UCHL3: variants seen among roughly 807,000 people sequenced by gnomAD.
UCHL3 encodes ubiquitin C-terminal hydrolase L3.
In UCHL3, 22 loss-of-function variants were observed where a neutral mutation model predicts 35.8. The observed-to-expected ratio is 0.61, with a 90% CI of 0.44 to 0.88. UCHL3 has a LOEUF of 0.88. Among genes scored for constraint, UCHL3 ranks in the 40% least tolerant of loss-of-function variants. UCHL3 has a pLI of 0.00. For synonymous variants in UCHL3, 90 were observed against 92.8 expected (o/e 0.97, Z 0.17); for missense variants, 229 against 276.9 (o/e 0.83, Z 1.23).
chr13:75,551,708 A>T (rs2031115231), intron 2 of UCHL3, among the ~76,000 whole-genome samples: 1 of 152,258 alleles, frequency 6.6e-6, no homozygotes, highest in Admixed American at 6.5e-5. Context: ...AAAACTTTTT[A>T]GATGATGTTG....
intron 6 of UCHL3, among the ~76,000 whole-genome samples, chr13:75,577,565 C>A (rs995312369): frequency 6.6e-6 from 1 of 152,258 alleles, no homozygotes; most frequent in East Asian, 1.9e-4. Flanking sequence ...CCAACTGAGA[C>A]CTTTCTGAAT....
chr13:75,576,041 C>T (rs763571821), intron 6 of UCHL3, among the ~76,000 whole-genome samples: 12 of 152,094 alleles, frequency 7.9e-5, no homozygotes, highest in Non-Finnish European at 1.3e-4. Flanking sequence ...TGTGAGCCAC[C>T]GCCCCAGCCA....
At chr13:75,586,163 A>T (rs758609818) in intron 6 of UCHL3, among the ~76,000 whole-genome samples, 13 of 152,070 alleles carry the variant, frequency 8.5e-5, no homozygotes, top group Non-Finnish European at 1.8e-4. Flanking sequence ...AATCAAAAGG[A>T]TGGGAAAAGA....
chr13:75,602,192 C>T (rs1021032178), intron 7 of UCHL3, among the ~76,000 whole-genome samples: 3 of 152,104 alleles, frequency 2.0e-5, no homozygotes, highest in Non-Finnish European at 2.9e-5. Flanking sequence ...TTTTAAGCTC[C>T]ATCATTCACG....
chr13:75,599,934 G>A (rs1311239350), intron 7 of UCHL3, among the ~76,000 whole-genome samples: 2 of 152,214 alleles, frequency 1.3e-5, no homozygotes, highest in Admixed American at 6.5e-5. Context: ...AGTTGTGAAT[G>A]CAAAGGAAAA....
chr13:75,602,681 TA>T (rs1326630403), intron 7 of UCHL3, among the ~76,000 whole-genome samples: 1 of 152,184 alleles, frequency 6.6e-6, no homozygotes, highest in Non-Finnish European at 1.5e-5. Flanking sequence ...GACCAAGTAG[TA>T]AATATTTTAG....
intron 7 of UCHL3, among the ~76,000 whole-genome samples, chr13:75,604,065 C>T (rs946437126): frequency 2.0e-5 from 3 of 151,614 alleles, no homozygotes; most frequent in Non-Finnish European, 4.4e-5. Flanking sequence ...TGGTTAGAAA[C>T]CATGGAATCG....
intron 6 of UCHL3, among the ~76,000 whole-genome samples, chr13:75,576,150 G>T (rs578001833): frequency 2.0e-5 from 3 of 152,180 alleles, no homozygotes; most frequent in South Asian, 2.1e-4. Flanking sequence ...TCCTAGCTTG[G>T]GATAGGAAAC....
intron 6 of UCHL3, among the ~76,000 whole-genome samples, chr13:75,589,091 CT>C: frequency 6.6e-6 from 1 of 152,242 alleles, no homozygotes; most frequent in East Asian, 1.9e-4. Flanking sequence ...ACATATTTTT[CT>C]TGGTCACTTT....
intron 2 of UCHL3, among the ~76,000 whole-genome samples, chr13:75,554,757 T>G (rs9543974): frequency 6.6e-6 from 1 of 151,862 alleles, no homozygotes; most frequent in Non-Finnish European, 1.5e-5. Context: ...AACTTTTTTG[T>G]TTTTTTAAAC....
intron 6 of UCHL3, among the ~76,000 whole-genome samples, chr13:75,588,469 C>G (rs1465984297): frequency 6.6e-6 from 1 of 152,094 alleles, no homozygotes; most frequent in Non-Finnish European, 1.5e-5. Context: ...TAAACTATAT[C>G]TGTGAGAGAA....
chr13:75,572,754 T>C (rs1199941689), intron 6 of UCHL3, among the ~76,000 whole-genome samples: 1 of 152,168 alleles, frequency 6.6e-6, no homozygotes, highest in Non-Finnish European at 1.5e-5. Flanking sequence ...TGTTTCCAAA[T>C]AGGACAGCAT....
intron 7 of UCHL3, chr13:75,604,461 C>T (rs1481534237): frequency 4.2e-6 from 1 of 237,244 alleles, no homozygotes; most frequent in Non-Finnish European, 8.0e-6. Context: ...AGGATAAAAG[C>T]TGGGGTGATA....
intron 7 of UCHL3, among the ~76,000 whole-genome samples, chr13:75,602,884 T>G (rs2032814287): frequency 6.6e-6 from 1 of 152,256 alleles, no homozygotes; most frequent in Admixed American, 6.5e-5. Flanking sequence ...ATCAGTTGTT[T>G]AACAATCTTA....
chr13:75,598,958 T>TA (rs1306095221), intron 7 of UCHL3, among the ~76,000 whole-genome samples: 1 of 152,192 alleles, frequency 6.6e-6, no homozygotes, highest in Non-Finnish European at 1.5e-5. Flanking sequence ...GATTCCTACT[T>TA]TACTTGAATG....
At chr13:75,589,656 T>C (rs2032422366) in intron 6 of UCHL3, among the ~76,000 whole-genome samples, 1 of 152,208 alleles carries the variant, frequency 6.6e-6, no homozygotes, top group Admixed American at 6.5e-5. Context: ...TTAGTGGCTT[T>C]TACATATTAA....
intron 7 of UCHL3, among the ~76,000 whole-genome samples, chr13:75,601,144 T>C (rs1161806621): frequency 6.6e-6 from 1 of 152,194 alleles, no homozygotes; most frequent in Non-Finnish European, 1.5e-5. Context: ...TTCTTAAAGA[T>C]GAGCAAATAA....
intron 6 of UCHL3, among the ~76,000 whole-genome samples, chr13:75,579,805 T>C (rs978851344): frequency 2.0e-5 from 3 of 152,178 alleles, no homozygotes; most frequent in Non-Finnish European, 4.4e-5. Context: ...TATCACAACT[T>C]TCCAGAGTAG....
chr13:75,569,264 C>T (rs746084610), intron 5 of UCHL3, 196 bp from the exon 6 acceptor site: 10 of 397,504 alleles, frequency 2.5e-5, no homozygotes, highest in Non-Finnish European at 4.0e-5. Flanking sequence ...CAGAGATTTA[C>T]GGGTTACACA....
Sources: allele counts gnomAD v4.1 joint callset (sites outside exome capture counted in the v4.1 genomes callset), GRCh38; gene constraint gnomAD v4.1.1; transcripts MANE v1.5; gene names NCBI Gene and HGNC (gene_info 2026-07-23, HGNC 2026-07-21).